Variants in GAD2 observed in about 807,000 individuals in gnomAD.
GAD2 encodes 65 kDa glutamic acid decarboxylase.
Under a neutral mutation model 80.1 loss-of-function variants are expected in GAD2, and 22 were observed. That is an observed-to-expected ratio of 0.27 (90% CI 0.20 to 0.39). GAD2 has a LOEUF of 0.39. GAD2 is among the 10% of genes least tolerant of loss of function. The pLI, the probability that GAD2 is intolerant of heterozygous loss-of-function variation, is 1.00. For synonymous variants in GAD2, 274 were observed against 256.9 expected (o/e 1.07, Z -0.64); for missense variants, 624 against 738.4 (o/e 0.85, Z 1.80).
chr10:26,260,176 C>A (rs1057342694), intron 8 of GAD2, among the ~76,000 whole-genome samples: 5 of 152,116 alleles, frequency 3.3e-5, no homozygotes, highest in African/African-American at 4.8e-5. Context: ...TTCTTCAATA[C>A]AATTCTCATT....
chr10:26,250,144 G>C (rs139499581), intron 8 of GAD2, among the ~76,000 whole-genome samples: 2 of 152,002 alleles, frequency 1.3e-5, no homozygotes, highest in East Asian at 3.9e-4. Flanking sequence ...CTCCTTAGTA[G>C]ATGGGACTAC....
At chr10:26,280,235 C>T (rs1283603961) in intron 11 of GAD2, among the ~76,000 whole-genome samples, 2 of 152,150 alleles carry the variant, frequency 1.3e-5, no homozygotes, top group Non-Finnish European at 2.9e-5. Flanking sequence ...AGTGTGAACT[C>T]CAAAAAACTG....
chr10:26,273,596 G>T, intron 10 of GAD2, 40 bp from the exon 11 acceptor site: 1 of 1,553,738 alleles, frequency 6.4e-7, no homozygotes, highest in South Asian at 1.1e-5. Context: ...TCTAGGCAAT[G>T]ACAAACTGCT....
chr10:26,261,054 C>A (rs1380773373), intron 8 of GAD2, among the ~76,000 whole-genome samples: 2 of 152,096 alleles, frequency 1.3e-5, no homozygotes, highest in Non-Finnish European at 2.9e-5. Context: ...TTATACTTAT[C>A]AGTTATTTAT....
At chr10:26,234,338 CA>C (rs35871778) in intron 7 of GAD2, among the ~76,000 whole-genome samples, 21,972 of 126,208 alleles carry the variant, frequency 0.17, 1,873 homozygotes, top group Middle Eastern at 0.29. Flanking sequence ...AAAAAAAAGA[CA>C]AAAAAAAAAA....
intron 15 of GAD2, among the ~76,000 whole-genome samples, chr10:26,297,912 A>G (rs1242247296): frequency 6.6e-6 from 1 of 152,240 alleles, no homozygotes; most frequent in African/African-American, 2.4e-5. Flanking sequence ...GTAAACATAT[A>G]TGTAACATAC....
At chr10:26,224,080 T>A in intron 5 of GAD2, 103 bp downstream of exon 5, 1 of 760,982 alleles carries the variant, frequency 1.3e-6, no homozygotes, top group Non-Finnish European at 2.2e-6. Context: ...AAGTAGCCAC[T>A]AAAATAGTGA....
At chr10:26,272,341 T>G (rs965516705) in intron 10 of GAD2, among the ~76,000 whole-genome samples, 1 of 152,136 alleles carries the variant, frequency 6.6e-6, no homozygotes, top group African/African-American at 2.4e-5. Flanking sequence ...CCCGGCAACT[T>G]CAAAAATGAG....
intron 3 of GAD2, 114 bp from the exon 4 acceptor site, chr10:26,218,929 C>T: frequency 1.3e-6 from 1 of 748,484 alleles, no homozygotes; most frequent in Non-Finnish European, 2.0e-6. Context: ...TTTCCAAAAG[C>T]TTTATCTAAC....
At chr10:26,264,063 C>T (rs2132300546) in intron 8 of GAD2, among the ~76,000 whole-genome samples, 1 of 152,292 alleles carries the variant, frequency 6.6e-6, no homozygotes, top group African/African-American at 2.4e-5. Flanking sequence ...ACAACAATAA[C>T]AATACTACTG....
chr10:26,278,947 T>A (rs1845241873), intron 11 of GAD2, among the ~76,000 whole-genome samples: 1 of 151,256 alleles, frequency 6.6e-6, no homozygotes, highest in Admixed American at 6.6e-5. Flanking sequence ...ACCCGAGAGG[T>A]GGGAACTGGA....
chr10:26,249,761 G>A (rs1304119959), intron 8 of GAD2, among the ~76,000 whole-genome samples: 4 of 152,196 alleles, frequency 2.6e-5, no homozygotes, highest in Non-Finnish European at 5.9e-5. Flanking sequence ...GCCTGCCTGA[G>A]GACATCTGCC....
chr10:26,292,595 T>C (rs759463446), intron 14 of GAD2, 23 bp downstream of exon 14: 6 of 1,562,060 alleles, frequency 3.8e-6, no homozygotes, highest in Non-Finnish European at 5.3e-6. Context: ...ATTTCTACAA[T>C]CTCAGAAAGT....
intron 8 of GAD2, among the ~76,000 whole-genome samples, chr10:26,268,640 T>C (rs1845099429): frequency 6.6e-6 from 1 of 152,212 alleles, no homozygotes; most frequent in Admixed American, 6.5e-5. Context: ...GCACTTGGAA[T>C]GTCATTAGGT....
Position 26,262,693 on chromosome 10 carries a change from AT to A in GAD2, c.921-6423del, listed in dbSNP as rs200230485. On this transcript the variant is annotated intron_variant, in intron 8 of 15. Coordinates refer to ENST00000376261, the MANE Select transcript of GAD2 (RefSeq NM_001134366.2). ...AGCTATACATTTTCCTCTGAGAATG[AT>A]TTAGGATGCTTCTCATGTTTTTGTT... Among the ~76,000 whole-genome samples the A allele has an allele frequency of 6.3e-4, 96 of 152,270 alleles. 1 individual carries two copies. The East Asian group carries it at 0.016, about 25-fold the overall frequency.
In GAD2 at chr10:26,301,478, T is replaced by TA. The variant is rs1295749732; in HGVS notation, c.*523dup. The TA allele has an allele frequency of 6.6e-6, 1 of 152,116 alleles. No individual in the cohort carries two copies. The highest frequency in any genetic ancestry group is 1.5e-5 in the Non-Finnish European group (1 of 68,036). The allele number at this position is 152,116 out of a possible 1,614,324, so 9.4% of individuals were successfully genotyped here. On this transcript the variant is annotated 3_prime_UTR_variant, in exon 16 of 16. Transcript: ENST00000376261. ...TTTTACAAAAGGAAAATATATATAT[T>TA]AAAAAAGATATCCTATTTTGTAACA...
Position 26,238,669 on chromosome 10 carries a change from C to T in GAD2, c.841-7252C>T, listed in dbSNP as rs550791614. Among the ~76,000 whole-genome samples the T allele has an allele frequency of 2.6e-5, 4 of 152,348 alleles. No homozygotes were observed. In the South Asian group the frequency reaches 8.3e-4, roughly 32 times the overall value. On this transcript the variant is annotated intron_variant, in intron 7 of 15. Coordinates refer to ENST00000376261, the MANE Select transcript of GAD2 (RefSeq NM_001134366.2). ...AGATCCACATCACCTGCGAATCACACAGTCTCTAAAAATGTGTCTGGGAGG... is the reference window on the plus strand; with the variant it reads ...AGATCCACATCACCTGCGAATCACATAGTCTCTAAAAATGTGTCTGGGAGG...
intron 13 of GAD2, 125 bp from the exon 14 acceptor site, chr10:26,292,340 C>A: frequency 1.5e-6 from 1 of 683,072 alleles, no homozygotes; most frequent in Non-Finnish European, 2.6e-6. Flanking sequence ...TTGGAAACAG[C>A]CTTGTGTTGA....
chr10:26,250,241 C>A (rs984525925), intron 8 of GAD2, among the ~76,000 whole-genome samples: 7 of 152,138 alleles, frequency 4.6e-5, no homozygotes, highest in African/African-American at 1.7e-4. Flanking sequence ...GTCTTGAACT[C>A]CTAGCCTCAA....
Sources: gnomAD v4.1 joint callset for allele counts (sites outside exome capture counted in the v4.1 genomes callset) on GRCh38, gnomAD v4.1.1 for gene constraint, MANE v1.5 for transcripts, NCBI Gene and HGNC (gene_info 2026-07-23, HGNC 2026-07-21) for gene names.